CSMD1: variants seen among roughly 807,000 people sequenced by gnomAD.
CSMD1 encodes the protein CUB and sushi domain-containing protein 1.
CSMD1 carries 213 observed loss-of-function variants against 417.5 expected under a neutral mutation model. That is an observed-to-expected ratio of 0.51 (90% CI 0.46 to 0.57). The LOEUF is 0.57. Among genes scored for constraint, CSMD1 ranks in the 20% least tolerant of loss-of-function variants. The pLI, the probability that CSMD1 is intolerant of heterozygous loss-of-function variation, is 0.00. For missense variants in CSMD1, 6,923 were observed against 4,529.7 expected (o/e 1.53, Z -15.17); for synonymous variants, 2,862 against 1,736.8 (o/e 1.65, Z -16.11).
chr8:3,800,222 G>T (rs1196036497), intron 5 of CSMD1, among the ~76,000 whole-genome samples: 5 of 152,074 alleles, frequency 3.3e-5, no homozygotes, highest in Admixed American at 1.3e-4. Context: ...CAAACTTATT[G>T]ATGATGATAC....
chr8:4,331,271 G>A (rs534661881), intron 3 of CSMD1, among the ~76,000 whole-genome samples: 39 of 152,268 alleles, frequency 2.6e-4, no homozygotes, highest in Admixed American at 2.4e-3. Context: ...GGAACTCGGT[G>A]ACACAAGGTG....
intron 12 of CSMD1, among the ~76,000 whole-genome samples, chr8:3,460,373 G>A (rs907665186): frequency 4.6e-5 from 7 of 152,142 alleles, no homozygotes; most frequent in African/African-American, 1.7e-4. Context: ...GAGAGATGAA[G>A]ATGGAATCTG....
At chr8:4,066,743 C>T (rs943027962) in intron 3 of CSMD1, among the ~76,000 whole-genome samples, 2 of 152,010 alleles carry the variant, frequency 1.3e-5, no homozygotes, top group African/African-American at 4.8e-5. Flanking sequence ...GACTGAGATG[C>T]AATCCAAACC....
chr8:4,065,349 C>G (rs1043762980), intron 3 of CSMD1, among the ~76,000 whole-genome samples: 1 of 152,188 alleles, frequency 6.6e-6, no homozygotes, highest in African/African-American at 2.4e-5. Flanking sequence ...TGGTGTTCAC[C>G]AAAGTCATGG....
At chr8:4,030,060 T>C (rs1797262349) in intron 4 of CSMD1, among the ~76,000 whole-genome samples, 1 of 152,214 alleles carries the variant, frequency 6.6e-6, no homozygotes, top group Non-Finnish European at 1.5e-5. Flanking sequence ...CCCTGTGACT[T>C]TGAAGAATAC....
chr8:4,447,949 A>G lies in CSMD1; in HGVS notation c.303-27884T>C, dbSNP rs80082330. On this transcript the variant is annotated intron_variant, in intron 2 of 69. Coordinates refer to ENST00000635120, the MANE Select transcript of CSMD1 (RefSeq NM_033225.6). ...AATTACCACACTCACCATATTTTTT[A>G]AAAGACAATGCTAATAGTACCAAAA... 5.5e-3 allele frequency among the ~76,000 whole-genome samples: 839 copies of G among 152,180 alleles called. 5 individuals carry two copies. The highest frequency in any genetic ancestry group is 0.019 in the African/African-American group (788 of 41,444).
rs34435098 is a variant in CSMD1, at chr8:3,247,169, C to G, written c.4154-16938G>C. The stretch of plus-strand genomic sequence containing the variant: ...ATGTTTGTGGGATGCAGGGCAAGGG[C>G]AGAAAGAGGCTCACAGACCATGTGA... On this transcript the variant is annotated intron_variant, in intron 26 of 69. Coordinates refer to ENST00000635120, the MANE Select transcript of CSMD1 (RefSeq NM_033225.6). 9.6e-3 allele frequency among the ~76,000 whole-genome samples: 1,464 copies of G among 152,204 alleles called. 32 individuals are homozygous for G. The highest frequency in any genetic ancestry group is 0.033 in the African/African-American group (1,355 of 41,488).
intron 7 of CSMD1, among the ~76,000 whole-genome samples, chr8:3,623,243 T>A (rs1163205771): frequency 6.6e-6 from 1 of 152,232 alleles, no homozygotes; most frequent in African/African-American, 2.4e-5. Flanking sequence ...CCTCATTAGA[T>A]CTGCACAAAA....
intron 10 of CSMD1, among the ~76,000 whole-genome samples, chr8:3,503,601 T>A (rs553136790): frequency 6.6e-6 from 1 of 152,210 alleles, no homozygotes; most frequent in African/African-American, 2.4e-5. Context: ...GTCCCTTTTG[T>A]CAGCTTTAAA....
intron 1 of CSMD1, among the ~76,000 whole-genome samples, chr8:4,812,648 G>T (rs890764073): frequency 6.6e-6 from 1 of 152,032 alleles, no homozygotes; most frequent in Middle Eastern, 3.4e-3. Context: ...TTTAAACAAA[G>T]ATTCTTATTC....
intron 11 of CSMD1, among the ~76,000 whole-genome samples, chr8:3,480,298 G>C (rs1190283557): frequency 6.6e-6 from 1 of 152,174 alleles, no homozygotes; most frequent in Non-Finnish European, 1.5e-5. Flanking sequence ...GGAGGCGGAG[G>C]ATGCATTGAG....
At chr8:4,366,361 TA>T (rs1366589944) in intron 3 of CSMD1, among the ~76,000 whole-genome samples, 2 of 152,182 alleles carry the variant, frequency 1.3e-5, no homozygotes, top group Non-Finnish European at 2.9e-5. Flanking sequence ...TCCACGTGTT[TA>T]CCATTGAGAA....
In CSMD1 at chr8:4,313,461, C is replaced by T. The variant is rs965800441; in HGVS notation, c.415+106492G>A. Among the ~76,000 whole-genome samples the T allele has an allele frequency of 2.9e-5, 4 of 136,622 alleles. No homozygotes were observed. In the South Asian group the frequency reaches 7.0e-4, roughly 24 times the overall value. 89.6% of individuals were successfully genotyped at this position (136,622 alleles called of 152,430 possible). A position where few individuals can be genotyped will look rare whatever the true frequency, so the allele number is the denominator to read the frequency against. On this transcript the variant is annotated intron_variant, in intron 3 of 69. Coordinates refer to ENST00000635120, the MANE Select transcript of CSMD1 (RefSeq NM_033225.6). ...TTTAATTCTCCTCTGAAAATGTTAGCAATGCAGGAACCCGAAGAGCTCCCA... is the reference window on the plus strand; with the variant it reads ...TTTAATTCTCCTCTGAAAATGTTAGTAATGCAGGAACCCGAAGAGCTCCCA...
chr8:3,991,967 G>C (rs779214956), intron 5 of CSMD1, among the ~76,000 whole-genome samples: 1 of 150,462 alleles, frequency 6.6e-6, no homozygotes. Flanking sequence ...ATTATTAAAT[G>C]TTTTTTTACA....
intron 3 of CSMD1, among the ~76,000 whole-genome samples, chr8:4,069,340 A>C (rs1422215554): frequency 6.6e-6 from 1 of 152,204 alleles, no homozygotes; most frequent in Non-Finnish European, 1.5e-5. Flanking sequence ...TCCAACTCTT[A>C]TCTACAGGTA....
At chr8:4,539,376 G>C (rs182229340) in intron 2 of CSMD1, among the ~76,000 whole-genome samples, 1 of 152,142 alleles carries the variant, frequency 6.6e-6, no homozygotes, top group African/African-American at 2.4e-5. Flanking sequence ...CAGCAGGAAT[G>C]TTTTTGGAGT....
chr8:4,302,439 G>C (rs1162695612), intron 3 of CSMD1, among the ~76,000 whole-genome samples: 1 of 152,162 alleles, frequency 6.6e-6, no homozygotes, highest in Admixed American at 6.6e-5. Context: ...AGTGAAGGTG[G>C]TTTTATCACA....
At chr8:3,304,405 A>T (rs1044216285) in intron 25 of CSMD1, among the ~76,000 whole-genome samples, 1 of 152,154 alleles carries the variant, frequency 6.6e-6, no homozygotes, top group South Asian at 2.1e-4. Context: ...ATACAATTTT[A>T]GTATATTATG....
chr8:4,649,569 T>TC (rs1202239284), intron 1 of CSMD1, among the ~76,000 whole-genome samples: 1 of 152,232 alleles, frequency 6.6e-6, no homozygotes, highest in Non-Finnish European at 1.5e-5. Flanking sequence ...TAGTATTTTT[T>TC]CTGTCATTTT....
Sources: allele counts gnomAD v4.1 joint callset (sites outside exome capture counted in the v4.1 genomes callset), GRCh38; gene constraint gnomAD v4.1.1; transcripts MANE v1.5; gene names NCBI Gene and HGNC (gene_info 2026-07-23, HGNC 2026-07-21).